The following CFTR variants were observed in gnomAD, a reference collection of about 807,000 sequenced individuals.
The protein encoded by CFTR is CF transmembrane conductance regulator, also known as cystic fibrosis transmembrane conductance regulator.
A neutral mutation model predicts 171.6 loss-of-function variants in CFTR; 181 were observed. The observed-to-expected ratio is 1.05, with a 90% confidence interval of 0.93 to 1.19. CFTR has a LOEUF of 1.19. Among genes scored for constraint, CFTR ranks in the 50% most tolerant of loss-of-function variants. The pLI, the probability that CFTR is intolerant of heterozygous loss-of-function variation, is 0.00. For synonymous variants in CFTR, 583 were observed against 608.0 expected, an observed-to-expected ratio of 0.96 and a Z score of 0.60; for missense variants, 1,968 against 1,734.7, an observed-to-expected ratio of 1.13 and a Z score of -2.39.
intron 1 of CFTR, among the ~76,000 whole-genome samples, chr7:117,492,275 A>G (rs35753200): frequency 0.015 from 2,232 of 152,160 alleles, 55 homozygotes; most frequent in African/African-American, 0.051. Flanking sequence ...AAACATTATT[A>G]AAGAATTGTC....
intron 1 of CFTR, among the ~76,000 whole-genome samples, chr7:117,501,776 C>CAAAAAAAAAAAAAAAAAAAAAAAGAAAA (rs796991857): frequency 7.1e-5 from 6 of 84,334 alleles, no homozygotes; most frequent in Admixed American, 1.3e-4. Context: ...AAAAAAGAAA[C>CAAAAAAAAAAAAAAAAAAAAAAAGAAAA]AAAAAAAAAA....
intron 1 of CFTR, among the ~76,000 whole-genome samples, chr7:117,488,914 G>C (rs537190767): frequency 6.6e-6 from 1 of 152,132 alleles, no homozygotes; most frequent in South Asian, 2.1e-4. Flanking sequence ...TTGTAATATG[G>C]GAACTTAGCA....
intron 8 of CFTR, 58 bp downstream of exon 8, chr7:117,540,404 A>T: frequency 6.7e-7 from 1 of 1,493,432 alleles, no homozygotes; most frequent in Non-Finnish European, 9.1e-7. Context: ...TCAATAGATC[A>T]GTTCTAATGA....
intron 24 of CFTR, among the ~76,000 whole-genome samples, chr7:117,656,617 AT>A: frequency 6.6e-6 from 1 of 152,334 alleles, no homozygotes; most frequent in Middle Eastern, 3.4e-3. Flanking sequence ...CTTTAACAGA[AT>A]ACTCTAGCTA....
chr7:117,573,576 T>C (rs1169455093), intron 11 of CFTR, among the ~76,000 whole-genome samples: 1 of 152,118 alleles, frequency 6.6e-6, no homozygotes, highest in Non-Finnish European at 1.5e-5. Flanking sequence ...AGGTGAAACA[T>C]TTTTAAATAA....
At chr7:117,550,408 G>A (rs542601285) in intron 10 of CFTR, among the ~76,000 whole-genome samples, 2 of 151,776 alleles carry the variant, frequency 1.3e-5, no homozygotes, top group Admixed American at 6.6e-5. Context: ...TCCTACATAC[G>A]AAACAGCTTT....
At chr7:117,586,923 G>A (rs1326083342) in intron 11 of CFTR, among the ~76,000 whole-genome samples, 1 of 152,134 alleles carries the variant, frequency 6.6e-6, no homozygotes. Context: ...CCAATTAATT[G>A]TGAACTGTTT....
At chr7:117,536,811 T>G (rs1798967293) in intron 7 of CFTR, 138 bp downstream of exon 7, 4 of 762,686 alleles carry the variant, frequency 5.2e-6, no homozygotes, top group Non-Finnish European at 4.3e-6. Context: ...CTGTCAATAT[T>G]CATGCATTAG....
chr7:117,662,932 G>T (rs1364170949), intron 24 of CFTR, among the ~76,000 whole-genome samples: 1 of 152,144 alleles, frequency 6.6e-6, no homozygotes. Context: ...ATATTCAAGG[G>T]GGCAGGAAGA....
intron 23 of CFTR, among the ~76,000 whole-genome samples, 172 bp from the exon 24 acceptor site, chr7:117,652,670 C>G (rs763916152): frequency 7.2e-5 from 11 of 151,882 alleles, no homozygotes; most frequent in Non-Finnish European, 1.5e-4. Flanking sequence ...AAGAATGATA[C>G]AAAGCAGACA....
intron 20 of CFTR, among the ~76,000 whole-genome samples, chr7:117,613,095 CATGGGCAGGCAA>C: frequency 6.6e-6 from 1 of 152,246 alleles, no homozygotes; most frequent in Admixed American, 6.5e-5. Flanking sequence ...AAGGAATATA[CATGGGCAGGCAA>C]ATGTACTAAT....
intron 22 of CFTR, 107 bp downstream of exon 22, chr7:117,627,877 A>G (rs756805550): frequency 6.0e-6 from 7 of 1,160,686 alleles, no homozygotes; most frequent in African/African-American, 1.5e-5. Context: ...ATTATTGTAC[A>G]GTAGAATCAA....
rs756365404 is a variant in CFTR at position 117,559,421 on chromosome 7, C to T, written c.1393-43C>T. ...TAATTGGAGGCAAGTGAATCCTGAG[C>T]GTGATTTGATAATGACCTAATAATG... On this transcript the variant is annotated intron_variant, in intron 10 of 26. Coordinates refer to ENST00000003084, the MANE Select transcript of CFTR (RefSeq NM_000492.4). The T allele has an allele frequency of 3.0e-5, 38 of 1,261,770 alleles. No individual in the cohort carries two copies. Among genetic ancestry groups the T allele is most frequent in the Non-Finnish European group, 3.6e-5 (31 of 861,054 alleles). The allele number at this position is 1,261,770 out of a possible 1,614,324, so 78.2% of individuals were successfully genotyped here.
chr7:117,597,025 A>G (rs1040629742), intron 15 of CFTR, among the ~76,000 whole-genome samples: 1 of 152,210 alleles, frequency 6.6e-6, no homozygotes, highest in Non-Finnish European at 1.5e-5. Context: ...TGGACCAATC[A>G]GCAGGATGTG....
intron 14 of CFTR, 23 bp downstream of exon 14, chr7:117,592,680 T>C (rs752422489): frequency 1.3e-6 from 2 of 1,493,002 alleles, no homozygotes; most frequent in Admixed American, 2.4e-5. Flanking sequence ...CGCTTGGGGG[T>C]ATTTCACCCC....
intron 18 of CFTR, among the ~76,000 whole-genome samples, chr7:117,607,554 G>A (rs1792318121): frequency 6.6e-6 from 1 of 152,182 alleles, no homozygotes; most frequent in Non-Finnish European, 1.5e-5. Flanking sequence ...GAGAGCAAAT[G>A]CCACAGTCTC....
chr7:117,560,096 A>G (rs931042456), intron 11 of CFTR, among the ~76,000 whole-genome samples: 2 of 152,164 alleles, frequency 1.3e-5, no homozygotes, highest in African/African-American at 4.8e-5. Context: ...TGGAATGAGC[A>G]TTGATCTGCC....
intron 12 of CFTR, 68 bp downstream of exon 12, chr7:117,587,901 C>T (rs1791970088): frequency 1.0e-6 from 1 of 964,738 alleles, no homozygotes; most frequent in East Asian, 2.5e-5. Flanking sequence ...AAATTACAGA[C>T]ATTTCTCTAT....
Position 117,667,275 on chromosome 7 carries a change from C to A in CFTR, c.*167C>A. 1.5e-6 allele frequency: 1 copy of A among 687,570 alleles called. No homozygotes were observed. Among genetic ancestry groups the A allele is most frequent in the Non-Finnish European group, 2.6e-6 (1 of 380,482 alleles). The allele number at this position is 687,570 out of a possible 1,614,324, so 42.6% of individuals were successfully genotyped here. On this transcript the variant is annotated 3_prime_UTR_variant, in exon 27 of 27. Transcript: ENST00000003084. ...AACATTTGGTAAGGGGAATTGAGGA[C>A]ACTGATATGGGTCTTGATAAATGGC... is the stretch of plus-strand genomic sequence containing the variant.
Sources: gnomAD v4.1 joint callset for allele counts (sites outside exome capture counted in the v4.1 genomes callset) on GRCh38, gnomAD v4.1.1 for gene constraint, MANE v1.5 for transcripts, NCBI Gene and HGNC (gene_info 2026-07-23, HGNC 2026-07-21) for gene names.